Variants in PDLIM5 observed in about 807,000 individuals in gnomAD.
The protein encoded by PDLIM5 is PDZ and LIM domain 5.
A neutral mutation model predicts 64.2 loss-of-function variants in PDLIM5; 34 were observed. The ratio of observed to expected loss-of-function variants is 0.53; its 90% CI spans 0.40 to 0.71. The LOEUF is 0.71. PDLIM5 is among the 30% of genes least tolerant of loss of function. The pLI is 0.00. For missense variants in PDLIM5, 683 were observed against 733.6 expected, an observed-to-expected ratio of 0.93 and a Z score of 0.80; for synonymous variants, 253 against 269.1, an observed-to-expected ratio of 0.94 and a Z score of 0.59.
chr4:94,651,694 A>G lies in PDLIM5; in HGVS notation c.1284-2766A>G, dbSNP rs551589492. Among the ~76,000 whole-genome samples, 95 of 152,332 alleles carry G rather than the reference A, an allele frequency of 6.2e-4. 4 individuals carry two copies. The South Asian group carries it at 0.017, about 28-fold the overall frequency. On this transcript the variant is annotated intron_variant, in intron 9 of 12. Transcript: ENST00000317968. ...ATGAAAGGTAGTTTTGCAATTTACA[A>G]TAAGATAAAAATAAGACTACTGCTG...
intron 2 of PDLIM5, among the ~76,000 whole-genome samples, chr4:94,493,935 A>G (rs910367828): frequency 1.3e-5 from 2 of 151,986 alleles, no homozygotes; most frequent in Admixed American, 1.3e-4. Flanking sequence ...TCTCCCTCTA[A>G]TACATGTTCC....
At chr4:94,597,548 A>G (rs180817784) in intron 7 of PDLIM5, among the ~76,000 whole-genome samples, 1 of 152,154 alleles carries the variant, frequency 6.6e-6, no homozygotes, top group Non-Finnish European at 1.5e-5. Flanking sequence ...GCAAATAAAA[A>G]TAACCAAAAC....
intron 2 of PDLIM5, among the ~76,000 whole-genome samples, chr4:94,519,311 A>G (rs1415945111): frequency 6.6e-6 from 1 of 152,172 alleles, no homozygotes; most frequent in Non-Finnish European, 1.5e-5. Context: ...AAACAATAAT[A>G]TTGAGCATTT....
intron 3 of PDLIM5, among the ~76,000 whole-genome samples, chr4:94,568,968 A>G (rs1734575273): frequency 6.6e-6 from 1 of 152,212 alleles, no homozygotes; most frequent in Non-Finnish European, 1.5e-5. Context: ...GTGTGCCCAC[A>G]GTAATTTTTG....
rs542186935 is a variant in PDLIM5 at position 94,601,750 on chromosome 4, A to G, written c.920+15306A>G. ...AATAAAGGTAGAATTAGCAGGCTCA[A>G]GTAACATTTTCAGGCTGCTACAGAA... On this transcript the variant is annotated intron_variant, in intron 7 of 12. Coordinates refer to ENST00000317968, the MANE Select transcript of PDLIM5 (RefSeq NM_006457.5). Among the ~76,000 whole-genome samples the G allele has an allele frequency of 6.6e-5, 10 of 152,340 alleles. No individual in the cohort carries two copies. The East Asian group carries it at 1.9e-3, about 29-fold the overall frequency.
At chr4:94,600,500 A>G (rs1025121160) in intron 7 of PDLIM5, among the ~76,000 whole-genome samples, 1 of 152,216 alleles carries the variant, frequency 6.6e-6, no homozygotes, top group Non-Finnish European at 1.5e-5. Context: ...ACTTAACACT[A>G]TTTATTAAAT....
intron 8 of PDLIM5, among the ~76,000 whole-genome samples, chr4:94,619,419 T>C (rs1207898876): frequency 6.6e-6 from 1 of 151,300 alleles, no homozygotes; most frequent in Non-Finnish European, 1.5e-5. Context: ...GGCCGGCGGA[T>C]CACGAGGTCA....
At chr4:94,501,739 ATCT>A (rs1413636918) in intron 2 of PDLIM5, among the ~76,000 whole-genome samples, 4 of 152,174 alleles carry the variant, frequency 2.6e-5, no homozygotes, top group Non-Finnish European at 5.9e-5. Context: ...CATATTTGAG[ATCT>A]TCTTATTCCT....
chr4:94,492,509 A>T (rs1726968091), intron 2 of PDLIM5, among the ~76,000 whole-genome samples: 1 of 152,034 alleles, frequency 6.6e-6, no homozygotes, highest in Non-Finnish European at 1.5e-5. Flanking sequence ...CATTTTCATT[A>T]CTCCAAGAGG....
At chr4:94,602,239 A>G (rs1349522827) in intron 7 of PDLIM5, among the ~76,000 whole-genome samples, 1 of 152,106 alleles carries the variant, frequency 6.6e-6, no homozygotes, top group African/African-American at 2.4e-5. Flanking sequence ...TATCATATTT[A>G]TATTCAGAAA....
intron 5 of PDLIM5, among the ~76,000 whole-genome samples, chr4:94,580,792 A>G (rs1735669784): frequency 1.3e-5 from 2 of 152,012 alleles, no homozygotes; most frequent in African/African-American, 4.8e-5. Flanking sequence ...TTTGAAGCCA[A>G]ATTTTGATGT....
At chr4:94,540,957 A>G (rs1355789747) in intron 3 of PDLIM5, among the ~76,000 whole-genome samples, 1 of 152,206 alleles carries the variant, frequency 6.6e-6, no homozygotes, top group Non-Finnish European at 1.5e-5. Context: ...CAAAACCTGT[A>G]ACAGAAGTCA....
intron 2 of PDLIM5, among the ~76,000 whole-genome samples, chr4:94,510,827 G>A (rs1728806602): frequency 6.6e-6 from 1 of 152,040 alleles, no homozygotes. Flanking sequence ...GGCCAACATG[G>A]TGAAACCCCA....
chr4:94,587,521 A>C, intron 7 of PDLIM5: 1 of 894,576 alleles, frequency 1.1e-6, no homozygotes, highest in Non-Finnish European at 1.3e-6. Context: ...TTATTATGTT[A>C]CATTCAAAGT....
At chr4:94,452,585 C>G (rs932321790) in intron 1 of PDLIM5, among the ~76,000 whole-genome samples, 1 of 152,226 alleles carries the variant, frequency 6.6e-6, no homozygotes, top group Non-Finnish European at 1.5e-5. Flanking sequence ...TTAAGAAACA[C>G]ATTTGTCATG....
intron 2 of PDLIM5, among the ~76,000 whole-genome samples, chr4:94,489,693 A>G (rs1726683795): frequency 6.6e-6 from 1 of 152,148 alleles, no homozygotes; most frequent in African/African-American, 2.4e-5. Context: ...TGGAAGGCCA[A>G]AGTGGAAGAA....
At chr4:94,621,608 G>A (rs1235682828) in intron 8 of PDLIM5, among the ~76,000 whole-genome samples, 2 of 152,276 alleles carry the variant, frequency 1.3e-5, no homozygotes, top group Admixed American at 6.5e-5. Context: ...GAAGTTTATG[G>A]TTAAAGTACT....
chr4:94,579,594 A>C, intron 5 of PDLIM5: 1 of 901,678 alleles, frequency 1.1e-6, no homozygotes, highest in Admixed American at 3.0e-5. Context: ...AGTAAACAGC[A>C]TGAATGCCTG....
At chr4:94,650,683 A>G (rs1741774623) in intron 9 of PDLIM5, among the ~76,000 whole-genome samples, 1 of 152,242 alleles carries the variant, frequency 6.6e-6, no homozygotes, top group African/African-American at 2.4e-5. Flanking sequence ...AATAAGCATC[A>G]GATTTTGAGG....
Sources: gnomAD v4.1 joint callset for allele counts (sites outside exome capture counted in the v4.1 genomes callset) on GRCh38, gnomAD v4.1.1 for gene constraint, MANE v1.5 for transcripts, NCBI Gene and HGNC (gene_info 2026-07-23, HGNC 2026-07-21) for gene names.